Variants in DEF8 observed in about 807,000 individuals in gnomAD.
The protein encoded by DEF8 is DEF-8.
Under a neutral mutation model 59.1 loss-of-function variants are expected in DEF8, and 38 were observed. The ratio of observed to expected loss-of-function variants is 0.64; its 90% confidence interval spans 0.50 to 0.84. DEF8 has a LOEUF of 0.84. Among genes scored for constraint, DEF8 ranks in the 40% least tolerant of loss-of-function variants. The probability of loss-of-function intolerance (pLI) is 0.00; values close to 1 mark genes in which losing one functional copy is unlikely to be tolerated. For missense variants in DEF8, 557 were observed against 615.2 expected (o/e 0.91, Z 1.00); for synonymous variants, 265 against 250.1 (o/e 1.06, Z -0.56).
intron 12 of DEF8, 48 bp downstream of exon 12, chr16:89,964,623 T>C (rs2034448064): frequency 6.9e-7 from 1 of 1,445,970 alleles, no homozygotes; most frequent in African/African-American, 1.4e-5. Context: ...CTCTGCGCTG[T>C]CCTCTGGGGA....
chr16:89,966,249 A>G lies in DEF8; in HGVS notation c.*286A>G. 6.2e-6 allele frequency: 2 copies of G among 324,598 alleles called. No homozygotes were observed. The highest frequency in any genetic ancestry group is 5.9e-6 in the Non-Finnish European group (1 of 168,132). The allele number at this position is 324,598 out of a possible 1,614,324, so 20.1% of individuals were successfully genotyped here. On this transcript the variant is annotated 3_prime_UTR_variant, in exon 13 of 13. Transcript: ENST00000563594. Reference sequence around the variant, plus strand: ...ACTCCATGGGCAGGGAGCTGGGGGGACATCTCACCTCCCCCATGGCACAGA... The same window carrying G: ...ACTCCATGGGCAGGGAGCTGGGGGGGCATCTCACCTCCCCCATGGCACAGA...
chr16:89,962,903 G>A (rs1311347939), intron 9 of DEF8, among the ~76,000 whole-genome samples: 1 of 152,270 alleles, frequency 6.6e-6, no homozygotes, highest in Non-Finnish European at 1.5e-5. Flanking sequence ...CCAGCGGTGA[G>A]GGAGGAGGTA....
intron 8 of DEF8, 73 bp from the exon 9 acceptor site, chr16:89,961,939 C>G: frequency 6.2e-7 from 1 of 1,604,834 alleles, no homozygotes; most frequent in Non-Finnish European, 8.5e-7. Context: ...AGCCGGTGTA[C>G]CCCTGGTTGG....
intron 4 of DEF8, 41 bp from the exon 5 acceptor site, chr16:89,957,470 C>A (rs1395663114): frequency 3.2e-6 from 5 of 1,546,488 alleles, no homozygotes; most frequent in Non-Finnish European, 4.4e-6. Context: ...GGAGCTCCTG[C>A]AGGATGGGCC....
At chr16:89,953,541 G>A (rs931904999) in intron 2 of DEF8, among the ~76,000 whole-genome samples, 3 of 152,218 alleles carry the variant, frequency 2.0e-5, no homozygotes, top group South Asian at 2.1e-4. Flanking sequence ...GGTTCAGGTC[G>A]TGTTGCTCAT....
intron 7 of DEF8, among the ~76,000 whole-genome samples, chr16:89,961,420 G>A (rs1351483537): frequency 6.6e-6 from 1 of 152,198 alleles, no homozygotes; most frequent in Non-Finnish European, 1.5e-5. Context: ...CCTCATAGAC[G>A]GGGTCTAGGG....
At chr16:89,952,157 G>T (rs535205895) in intron 2 of DEF8, among the ~76,000 whole-genome samples, 1 of 152,214 alleles carries the variant, frequency 6.6e-6, no homozygotes, top group Non-Finnish European at 1.5e-5. Flanking sequence ...GATTACAGGC[G>T]TGAGCCACGG....
intron 5 of DEF8, 92 bp downstream of exon 5, chr16:89,957,752 C>T (rs2033451426): frequency 1.1e-5 from 15 of 1,408,250 alleles, no homozygotes; most frequent in Non-Finnish European, 1.3e-5. Flanking sequence ...GGCTCTCTCT[C>T]AGGCGGTGGT....
rs923497322 is a variant in DEF8, at chr16:89,967,172, G to T, written c.*1209G>T. 1 of 397,828 alleles carries T rather than the reference G, an allele frequency of 2.5e-6. No homozygotes were observed. The highest frequency in any genetic ancestry group is 2.1e-5 in the African/African-American group (1 of 48,736). 24.6% of individuals were successfully genotyped at this position (397,828 alleles called of 1,614,324 possible). On this transcript the variant is annotated 3_prime_UTR_variant, in exon 13 of 13. Transcript: ENST00000563594. Reference sequence around the variant, plus strand: ...CAGCCTTCTGCCTTGGGCAGTGGGGGTGCTCCTGTCTGTCCTTTTCCCCCA... The same window carrying T: ...CAGCCTTCTGCCTTGGGCAGTGGGGTTGCTCCTGTCTGTCCTTTTCCCCCA...
intron 2 of DEF8, among the ~76,000 whole-genome samples, chr16:89,951,191 T>G (rs909367847): frequency 6.6e-6 from 1 of 151,976 alleles, no homozygotes; most frequent in African/African-American, 2.4e-5. Context: ...GCTAGCAGAG[T>G]TGGGATTCAA....
At chr16:89,960,508 CTT>C (rs1375091746) in intron 6 of DEF8, among the ~76,000 whole-genome samples, 1 of 151,718 alleles carries the variant, frequency 6.6e-6, no homozygotes, top group Non-Finnish European at 1.5e-5. Context: ...GACCCTGTCT[CTT>C]AAAAAGTACA....
intron 6 of DEF8, 76 bp from the exon 7 acceptor site, chr16:89,960,855 G>C: frequency 6.6e-7 from 1 of 1,519,826 alleles, no homozygotes; most frequent in East Asian, 2.3e-5. Context: ...CGGGGAGGGG[G>C]CAAGCCAGCT....
chr16:89,962,361 G>A (rs1450792680), intron 9 of DEF8, among the ~76,000 whole-genome samples: 1 of 152,186 alleles, frequency 6.6e-6, no homozygotes, highest in Non-Finnish European at 1.5e-5. Context: ...TAATAGCCAC[G>A]TTAAAAAAGT....
In DEF8 at chr16:89,961,721, C is replaced by G; in HGVS notation, c.680-16C>G. On this transcript the variant is annotated splice_polypyrimidine_tract_variant and intron_variant, in intron 7 of 12. Transcript: ENST00000563594. ...TTTGTGAGGCAGGGACACTCAGGGC[C>G]CCTCTGACCCTGCAGGGGGTGTGCC... The G allele has an allele frequency of 6.2e-7, 1 of 1,612,448 alleles. No homozygotes were observed. The highest frequency in any genetic ancestry group is 8.5e-7 in the Non-Finnish European group (1 of 1,179,952).
In DEF8 at chr16:89,949,479, C is replaced by T. The variant is rs749008844; in HGVS notation, c.-45C>T. On this transcript the variant is annotated 5_prime_UTR_variant, in exon 2 of 13. Coordinates refer to ENST00000563594, the MANE Select transcript of DEF8 (RefSeq NM_001242818.2). ...AGCCCTAGAGGAATGGCCATCCTGT[C>T]CCTGCGAGCCCCTGGGCCCTGGCAG... is the stretch of plus-strand genomic sequence containing the variant. 16 of 1,612,584 alleles carry T rather than the reference C, an allele frequency of 9.9e-6. No homozygotes were observed. The South Asian group carries it at 1.2e-4, about 12-fold the overall frequency.
intron 6 of DEF8, among the ~76,000 whole-genome samples, chr16:89,959,965 G>A (rs1264848500): frequency 6.6e-6 from 1 of 151,846 alleles, no homozygotes. Context: ...GGACTGTTCC[G>A]GTGGGGACAG....
chr16:89,959,271 C>G, intron 6 of DEF8, 116 bp downstream of exon 6: 2 of 1,545,346 alleles, frequency 1.3e-6, no homozygotes, highest in Non-Finnish European at 1.8e-6. Context: ...CAAACATGGC[C>G]AGTCAAAGTT....
In DEF8 at chr16:89,957,640, C is replaced by T. The variant is rs200998494; in HGVS notation, c.352C>T (p.Leu118=). ...CGTGGTGCGACTCATCCACCTCCGG[C>T]TGAAGCTCCAGGAGCTGAAGGTGGG... ...DAVVRLIHLR[L]KLQELKDPNE... is the part of the protein sequence containing the mutation. Residue 118 remains leucine, a synonymous_variant, in exon 5 of 13, where the codon CTG becomes TTG. Coordinates refer to ENST00000563594, the MANE Select transcript of DEF8 (RefSeq NM_001242818.2). 2.0e-4 allele frequency: 320 copies of T among 1,567,150 alleles called. No homozygotes were observed. Among genetic ancestry groups the T allele is most frequent in the Middle Eastern group, 1.0e-3 (6 of 5,824 alleles).
chr16:89,967,127 C>T lies in DEF8; in HGVS notation c.*1164C>T, dbSNP rs1354670618. 2.8e-5 allele frequency: 11 copies of T among 396,468 alleles called. No individual in the cohort carries two copies. The highest frequency in any genetic ancestry group is 4.9e-5 in the Non-Finnish European group (11 of 225,370). 24.6% of individuals were successfully genotyped at this position (396,468 alleles called of 1,614,324 possible). On this transcript the variant is annotated 3_prime_UTR_variant, in exon 13 of 13. Coordinates refer to ENST00000563594, the MANE Select transcript of DEF8 (RefSeq NM_001242818.2). ...GTCCACGAGGGGCCTCAGGAGAGGA[C>T]GTGTCAGGACGTGGCTTCCCAGCCT...
Sources: gnomAD v4.1 joint callset for allele counts (sites outside exome capture counted in the v4.1 genomes callset) on GRCh38, gnomAD v4.1.1 for gene constraint, MANE v1.5 for transcripts, NCBI Gene and HGNC (gene_info 2026-07-23, HGNC 2026-07-21) for gene names.